MAPK10: variants seen among roughly 807,000 people sequenced by gnomAD.
MAPK10 encodes the protein mitogen-activated protein kinase 10, also known as JNK3 alpha protein kinase.
MAPK10 carries 25 observed loss-of-function variants against 59.3 expected under a neutral mutation model. The ratio of observed to expected loss-of-function variants is 0.42; its 90% CI spans 0.31 to 0.59. The LOEUF (loss-of-function observed/expected upper bound fraction) is 0.59, where lower values mean the gene tolerates loss of function less well. MAPK10 is among the 20% of genes least tolerant of loss of function. MAPK10 has a pLI of 0.15. For synonymous variants in MAPK10, 190 were observed against 200.5 expected, an observed-to-expected ratio of 0.95 and a Z score of 0.44; for missense variants, 351 against 568.9, an observed-to-expected ratio of 0.62 and a Z score of 3.90.
intron 2 of MAPK10, among the ~76,000 whole-genome samples, chr4:86,285,226 T>A (rs1379103094): frequency 6.6e-6 from 1 of 151,980 alleles, no homozygotes; most frequent in South Asian, 2.1e-4. Context: ...AATGACACTT[T>A]TTTTTTTTTG....
At chr4:86,325,170 G>T (rs1042867975) in intron 2 of MAPK10, among the ~76,000 whole-genome samples, 1 of 152,040 alleles carries the variant, frequency 6.6e-6, no homozygotes, top group East Asian at 1.9e-4. Flanking sequence ...AATAAAGCAC[G>T]CCACACCAAT....
intron 1 of MAPK10, chr4:86,356,963 A>G (rs944897186): frequency 4.6e-5 from 7 of 152,164 alleles, no homozygotes; most frequent in African/African-American, 1.7e-4. Context: ...CAGCAAATAG[A>G]GCATTGTACT....
At chr4:86,580,485 C>T (rs922262091) in intron 1 of MAPK10, among the ~76,000 whole-genome samples, 4 of 151,298 alleles carry the variant, frequency 2.6e-5, no homozygotes, top group Admixed American at 2.0e-4. Flanking sequence ...TGCGACAGAG[C>T]GAGACTCCAC....
At chr4:86,500,265 T>C (rs1019681528) in intron 1 of MAPK10, among the ~76,000 whole-genome samples, 1 of 152,188 alleles carries the variant, frequency 6.6e-6, no homozygotes, top group Non-Finnish European at 1.5e-5. Flanking sequence ...AATCCACTTA[T>C]GGGAGAAGCA....
At chr4:86,472,357 T>C (rs908259956) in intron 1 of MAPK10, among the ~76,000 whole-genome samples, 1 of 152,182 alleles carries the variant, frequency 6.6e-6, no homozygotes, top group African/African-American at 2.4e-5. Context: ...TATCCATTTG[T>C]GAACATCTAA....
chr4:86,089,540 T>C (rs1251105628), intron 9 of MAPK10: 1 of 335,068 alleles, frequency 3.0e-6, no homozygotes, highest in Non-Finnish European at 5.4e-6. Flanking sequence ...CAATTATAAC[T>C]CAATGATTAA....
intron 9 of MAPK10, among the ~76,000 whole-genome samples, chr4:86,075,233 T>C (rs2049029760): frequency 6.6e-6 from 1 of 152,208 alleles, no homozygotes; most frequent in Non-Finnish European, 1.5e-5. Flanking sequence ...GAGCCTTGGT[T>C]TTCAGCTCCA....
chr4:86,195,075 A>G (rs2080970460), intron 2 of MAPK10, among the ~76,000 whole-genome samples: 1 of 152,184 alleles, frequency 6.6e-6, no homozygotes, highest in Admixed American at 6.6e-5. Flanking sequence ...CAAAAATTCA[A>G]TTATATCATT....
chr4:86,312,005 T>C, intron 2 of MAPK10, among the ~76,000 whole-genome samples: 1 of 152,238 alleles, frequency 6.6e-6, no homozygotes, highest in Non-Finnish European at 1.5e-5. Context: ...CCTTATCCTA[T>C]CTGACCATGA....
intron 8 of MAPK10, 162 bp from the exon 9 acceptor site, chr4:86,098,757 C>T: frequency 4.9e-6 from 3 of 607,276 alleles, no homozygotes; most frequent in Non-Finnish European, 9.0e-6. Context: ...CAGCGCTATG[C>T]TATTACATAA....
intron 9 of MAPK10, among the ~76,000 whole-genome samples, chr4:86,069,428 T>C (rs979404426): frequency 3.3e-5 from 5 of 152,110 alleles, no homozygotes; most frequent in African/African-American, 9.6e-5. Flanking sequence ...CATGCTTTGA[T>C]AGAAGCTCAT....
chr4:86,347,788 A>T (rs1729067545), intron 2 of MAPK10, among the ~76,000 whole-genome samples: 1 of 151,578 alleles, frequency 6.6e-6, no homozygotes, highest in African/African-American at 2.4e-5. Flanking sequence ...AATCCCAATC[A>T]CCTCTGTTTT....
At chr4:86,128,093 A>G (rs541733989) in intron 4 of MAPK10, among the ~76,000 whole-genome samples, 8 of 152,210 alleles carry the variant, frequency 5.3e-5, no homozygotes, top group Non-Finnish European at 4.4e-5. Flanking sequence ...TCTAAGTTTT[A>G]TGCATCCAAT....
intron 1 of MAPK10, chr4:86,429,573 T>C (rs962192315): frequency 6.6e-6 from 1 of 152,084 alleles, no homozygotes; most frequent in Admixed American, 6.6e-5. Context: ...GAGGCCAAGG[T>C]AGGAGGATTC....
intron 11 of MAPK10, among the ~76,000 whole-genome samples, chr4:86,061,353 T>C (rs955937426): frequency 6.6e-6 from 1 of 152,330 alleles, no homozygotes; most frequent in Non-Finnish European, 1.5e-5. Context: ...TTGTGTGTTC[T>C]ACTTTGAAAT....
At chr4:86,060,749 A>G (rs902474395) in intron 11 of MAPK10, among the ~76,000 whole-genome samples, 11 of 152,212 alleles carry the variant, frequency 7.2e-5, no homozygotes, top group Admixed American at 3.9e-4. Flanking sequence ...TAATGACACT[A>G]GATTTTCTTC....
At chr4:86,019,913 G>A (rs1314595681) in intron 13 of MAPK10, among the ~76,000 whole-genome samples, 1 of 152,116 alleles carries the variant, frequency 6.6e-6, no homozygotes, top group East Asian at 1.9e-4. Context: ...ATAGAATGAT[G>A]CTCATATATT....
At chr4:86,468,056 T>C (rs1002873101) in intron 1 of MAPK10, among the ~76,000 whole-genome samples, 1 of 152,344 alleles carries the variant, frequency 6.6e-6, no homozygotes, top group East Asian at 1.9e-4. Flanking sequence ...CCAGAAACTT[T>C]GCTTTAGCTT....
At chr4:86,448,408 T>C (rs1750305584) in intron 1 of MAPK10, among the ~76,000 whole-genome samples, 1 of 152,044 alleles carries the variant, frequency 6.6e-6, no homozygotes, top group African/African-American at 2.4e-5. Context: ...TGGGTTTTTT[T>C]TTTTATCTTA....
Sources: allele counts gnomAD v4.1 joint callset (sites outside exome capture counted in the v4.1 genomes callset), GRCh38; gene constraint gnomAD v4.1.1; transcripts MANE v1.5; gene names NCBI Gene and HGNC (gene_info 2026-07-23, HGNC 2026-07-21).